The following FGF9 variants were observed in gnomAD, a reference collection of about 807,000 sequenced individuals.
FGF9 encodes the protein fibroblast growth factor 9 (glia-activating factor).
In FGF9, 3 loss-of-function variants were observed where a neutral mutation model predicts 19.9. The observed-to-expected ratio is 0.15, with a 90% CI of 0.07 to 0.39. The LOEUF is 0.39. FGF9 is among the 10% of genes least tolerant of loss of function. The pLI is 1.00. For missense variants in FGF9, 175 were observed against 256.8 expected (o/e 0.68, Z 2.18); for synonymous variants, 107 against 106.9 (o/e 1.00, Z -0.01).
In FGF9 at chr13:21,672,372, C is replaced by G. The variant is rs946523029; in HGVS notation, c.277+183C>G. Among the ~76,000 whole-genome samples the G allele has an allele frequency of 6.6e-6, 1 of 152,124 alleles. No homozygotes were observed. Among genetic ancestry groups the G allele is most frequent in the African/African-American group, 2.4e-5 (1 of 41,424 alleles). ...CGAAAAAAAAATGCCTCCGGAATTG[C>G]AGATCTGCTGCTGGCACTGATGCAA... On this transcript the variant is annotated intron_variant, in intron 1 of 2. Transcript: ENST00000382353. This position sits in a 1 kb window ranked among gnomAD's most constrained non-coding sequence, Gnocchi z 4.2.
intron 2 of FGF9, among the ~76,000 whole-genome samples, chr13:21,697,214 G>C (rs898362943): frequency 5.3e-5 from 8 of 152,188 alleles, no homozygotes; most frequent in African/African-American, 1.7e-4. Context: ...CTATAGTGCA[G>C]TGTCACAATC....
Position 21,701,709 on chromosome 13 carries a change from ATGTGTGTGTGTGTGTGTGTGTGTG to A in FGF9, c.*282_*305del. 1 of 356,736 alleles carries A rather than the reference ATGTGTGTGTGTGTGTGTGTGTGTG, an allele frequency of 2.8e-6. No homozygotes were observed. The highest frequency in any genetic ancestry group is 2.5e-5 in the South Asian group (1 of 40,686). The allele number at this position is 356,736 out of a possible 1,614,324, so 22.1% of individuals were successfully genotyped here. On this transcript the variant is annotated 3_prime_UTR_variant, in exon 3 of 3. Coordinates refer to ENST00000382353, the MANE Select transcript of FGF9 (RefSeq NM_002010.3). ...GAGACTGAGCGCTAGGAGTGTGTGT[ATGTGTGTGTGTGTGTGTGTGTGTG>A]TGTGTGTATGTGTGTAGCGGGAGAT...
intron 2 of FGF9, among the ~76,000 whole-genome samples, chr13:21,692,578 C>G (rs17070470): frequency 6.6e-6 from 1 of 152,154 alleles, no homozygotes; most frequent in Non-Finnish European, 1.5e-5. Flanking sequence ...AACGGGCTAA[C>G]GATAGACACT....
At position 21,671,086 on chromosome 13, in the gene FGF9, C is replaced by G. The variant is rs989976452; in HGVS notation, c.-827C>G. ...GCCGCTGCCTGCGCCACTCTGCGCG[C>G]CGGCGGGGGCTGCGCAGGAGGAGCG... On this transcript the variant is annotated 5_prime_UTR_variant, in exon 1 of 3. Transcript: ENST00000382353. Among the ~76,000 whole-genome samples, 1 of 152,140 alleles carries G rather than the reference C, an allele frequency of 6.6e-6. No individual in the cohort carries two copies. Among genetic ancestry groups the G allele is most frequent in the Non-Finnish European group, 1.5e-5 (1 of 67,998 alleles).
chr13:21,680,337 A>G (rs1233240955), intron 1 of FGF9, among the ~76,000 whole-genome samples: 3 of 152,224 alleles, frequency 2.0e-5, no homozygotes, highest in Non-Finnish European at 2.9e-5. Flanking sequence ...TTTTCTAGAT[A>G]GAGTTAAAAA....
intron 2 of FGF9, among the ~76,000 whole-genome samples, chr13:21,698,317 A>T (rs1872462391): frequency 6.6e-6 from 1 of 152,144 alleles, no homozygotes; most frequent in East Asian, 1.9e-4. Context: ...GAAAAGCTGC[A>T]TTTGCTGTTT....
At chr13:21,689,246 C>G (rs1565951529) in intron 2 of FGF9, among the ~76,000 whole-genome samples, 1 of 152,144 alleles carries the variant, frequency 6.6e-6, no homozygotes. Flanking sequence ...GATAAGAGAG[C>G]CTGAGAGAGT....
At chr13:21,673,139 G>GT in intron 1 of FGF9, among the ~76,000 whole-genome samples, 1 of 150,434 alleles carries the variant, frequency 6.6e-6, no homozygotes, top group Non-Finnish European at 1.5e-5. Context: ...GGACTCTTGA[G>GT]TTTTTTCCTT....
chr13:21,701,273 C>T lies in FGF9; in HGVS notation c.465C>T (p.His155=), dbSNP rs143118647. 4.5e-5 allele frequency: 73 copies of T among 1,613,586 alleles called. No homozygotes were observed. Among genetic ancestry groups the T allele is most frequent in the African/African-American group, 6.7e-5 (5 of 74,816 alleles). ...CGTACTCATCAAACCTATATAAGCA[C>T]GTGGACACTGGAAGGCGATACTATG... ...YNTYSSNLYK[H]VDTGRRYYVA... Residue 155 remains histidine (H), a synonymous_variant, in exon 3 of 3, where the codon CAC becomes CAT. Transcript: ENST00000382353.
chr13:21,684,647 C>A (rs555722935), intron 2 of FGF9, among the ~76,000 whole-genome samples: 181 of 152,308 alleles, frequency 1.2e-3, no homozygotes, highest in African/African-American at 4.1e-3. Flanking sequence ...GCATGGTTAA[C>A]TCTCATTCTG....
At chr13:21,697,472 T>C (rs1872435429) in intron 2 of FGF9, among the ~76,000 whole-genome samples, 1 of 152,134 alleles carries the variant, frequency 6.6e-6, no homozygotes, top group East Asian at 1.9e-4. Flanking sequence ...AATTGAATAA[T>C]TGGCTTTATT....
chr13:21,675,424 C>T (rs1426957331), intron 1 of FGF9, among the ~76,000 whole-genome samples: 1 of 152,020 alleles, frequency 6.6e-6, no homozygotes, highest in Non-Finnish European at 1.5e-5. Flanking sequence ...CCCAGCCCCG[C>T]CCGGAACGAG....
At chr13:21,695,550 G>A (rs1012052423) in intron 2 of FGF9, among the ~76,000 whole-genome samples, 1 of 152,180 alleles carries the variant, frequency 6.6e-6, no homozygotes, top group African/African-American at 2.4e-5. Context: ...TGCTTTCTGT[G>A]TAGTTGGGGA....
At chr13:21,686,089 C>G (rs971490092) in intron 2 of FGF9, among the ~76,000 whole-genome samples, 1 of 152,192 alleles carries the variant, frequency 6.6e-6, no homozygotes, top group Non-Finnish European at 1.5e-5. Context: ...GAGTCTTACT[C>G]TGTCACCCAG....
chr13:21,700,720 TG>T (rs1230310554), intron 2 of FGF9, among the ~76,000 whole-genome samples: 3 of 152,202 alleles, frequency 2.0e-5, no homozygotes, highest in Non-Finnish European at 4.4e-5. Flanking sequence ...CTAGGAAAAA[TG>T]GGAACAACGT....
At chr13:21,699,529 A>C (rs919974275) in intron 2 of FGF9, among the ~76,000 whole-genome samples, 3 of 152,112 alleles carry the variant, frequency 2.0e-5, no homozygotes, top group African/African-American at 7.2e-5. Flanking sequence ...GGACCTAGAG[A>C]AGGTGGCCTC....
In FGF9 at chr13:21,701,543, C is replaced by G. The variant is rs1200132457; in HGVS notation, c.*108C>G. On this transcript the variant is annotated 3_prime_UTR_variant, in exon 3 of 3. Coordinates refer to ENST00000382353, the MANE Select transcript of FGF9 (RefSeq NM_002010.3). Reference sequence around the variant, plus strand: ...GTCATCACATCAGCTCCACTGTTGCCAAACTTTGTCGCATGCATAATGTAT... The same window carrying G: ...GTCATCACATCAGCTCCACTGTTGCGAAACTTTGTCGCATGCATAATGTAT... 2.7e-6 allele frequency: 4 copies of G among 1,479,362 alleles called. No individual in the cohort carries two copies. The highest frequency in any genetic ancestry group is 3.8e-6 in the Non-Finnish European group (4 of 1,061,526). 91.6% of individuals were successfully genotyped at this position (1,479,362 alleles called of 1,614,324 possible).
intron 2 of FGF9, among the ~76,000 whole-genome samples, chr13:21,692,945 ATTTCT>A (rs1181508934): frequency 6.6e-6 from 1 of 152,178 alleles, no homozygotes; most frequent in Non-Finnish European, 1.5e-5. Context: ...AATTAAACAA[ATTTCT>A]TTTATGAGGG....
chr13:21,671,999 C>A lies in FGF9; in HGVS notation c.87C>A (p.Ser29Arg). 1 of 1,614,186 alleles carries A rather than the reference C, an allele frequency of 6.2e-7. No individual in the cohort carries two copies. The highest frequency in any genetic ancestry group is 8.5e-7 in the Non-Finnish European group (1 of 1,180,036). ...ATGTGCCCGTGTTGCCGGTGGACAGCCCGGTTTTGTTAAGTGACCACCTGG... is the reference window on the plus strand; with the variant it reads ...ATGTGCCCGTGTTGCCGGTGGACAGACCGGTTTTGTTAAGTGACCACCTGG... ...FGNVPVLPVD[S>R]PVLLSDHLGQ... Residue 29 changes from serine (S) to arginine (R), a missense_variant, in exon 1 of 3, where the codon AGC (serine) becomes AGA (arginine). Physicochemically the swap from Ser to Arg is moderately radical, Grantham distance 110 (BLOSUM62 -1). Transcript: ENST00000382353.
Sources: allele counts gnomAD v4.1 joint callset (sites outside exome capture counted in the v4.1 genomes callset), GRCh38; gene constraint gnomAD v4.1.1; non-coding constraint Gnocchi (gnomAD v3.1); transcripts MANE v1.5; gene names NCBI Gene and HGNC (gene_info 2026-07-23, HGNC 2026-07-21).